The following XIRP2 variants were observed in gnomAD, a reference collection of about 807,000 sequenced individuals.
XIRP2 encodes xin actin binding repeat containing 2.
Under a neutral mutation model 277.0 loss-of-function variants are expected in XIRP2, and 236 were observed. That is an observed-to-expected ratio of 0.85 (90% CI 0.77 to 0.95). The LOEUF (loss-of-function observed/expected upper bound fraction) is 0.95, where lower values mean the gene tolerates loss of function less well. Ranked by LOEUF, XIRP2 falls within the 40% of genes least tolerant of loss-of-function variation. The probability of loss-of-function intolerance (pLI) is 0.00; values close to 1 mark genes in which losing one functional copy is unlikely to be tolerated. For missense variants in XIRP2, 4,640 were observed against 4,157.5 expected (o/e 1.12, Z -3.19); for synonymous variants, 1,490 against 1,416.5 (o/e 1.05, Z -1.17).
chr2:167,074,993 G>A (rs1689525362), intron 2 of XIRP2, among the ~76,000 whole-genome samples: 1 of 152,066 alleles, frequency 6.6e-6, no homozygotes, highest in South Asian at 2.1e-4. Context: ...CATTTAAAGA[G>A]GCTCAAAATC....
intron 2 of XIRP2, among the ~76,000 whole-genome samples, chr2:167,133,863 T>G (rs1691455314): frequency 6.6e-6 from 1 of 152,234 alleles, no homozygotes; most frequent in Non-Finnish European, 1.5e-5. Flanking sequence ...TAATGGCATG[T>G]CTGACACTGT....
chr2:166,976,680 T>C (rs1464258691), intron 2 of XIRP2, among the ~76,000 whole-genome samples: 2 of 152,168 alleles, frequency 1.3e-5, no homozygotes, highest in Admixed American at 6.5e-5. Flanking sequence ...TTTTTGCTTC[T>C]GCATATGTCA....
At chr2:167,079,217 T>G (rs1372209404) in intron 2 of XIRP2, among the ~76,000 whole-genome samples, 1 of 152,194 alleles carries the variant, frequency 6.6e-6, no homozygotes, top group African/African-American at 2.4e-5. Context: ...CCTACGTGAT[T>G]GTAGTGAATT....
At chr2:167,208,321 G>A (rs986621478) in intron 3 of XIRP2, among the ~76,000 whole-genome samples, 23 of 151,238 alleles carry the variant, frequency 1.5e-4, no homozygotes, top group African/African-American at 5.1e-4. Flanking sequence ...TTTTTTTTGA[G>A]ACGGAGACGG....
At chr2:167,174,095 C>T (rs1011331009) in intron 3 of XIRP2, among the ~76,000 whole-genome samples, 1 of 152,040 alleles carries the variant, frequency 6.6e-6, no homozygotes, top group African/African-American at 2.4e-5. Context: ...TGTTTCTCTG[C>T]CAGGTTTCAG....
chr2:166,941,038 G>A (rs188085447), intron 2 of XIRP2, among the ~76,000 whole-genome samples: 52 of 152,264 alleles, frequency 3.4e-4, no homozygotes, highest in Non-Finnish European at 5.1e-4. Flanking sequence ...GCCTTGCCCC[G>A]AGAGGTGGAG....
At chr2:167,032,841 G>A (rs1368211824) in intron 2 of XIRP2, among the ~76,000 whole-genome samples, 1 of 152,046 alleles carries the variant, frequency 6.6e-6, no homozygotes, top group Non-Finnish European at 1.5e-5. Context: ...TTTACACTGT[G>A]GGTTGGAATG....
At chr2:167,048,388 CTT>C (rs1376256612) in intron 2 of XIRP2, among the ~76,000 whole-genome samples, 3 of 152,054 alleles carry the variant, frequency 2.0e-5, no homozygotes, top group South Asian at 2.1e-4. Context: ...TCACAGCTCT[CTT>C]TTGAATTTTC....
chr2:167,111,342 T>G (rs1233117791), intron 2 of XIRP2, among the ~76,000 whole-genome samples: 2 of 152,152 alleles, frequency 1.3e-5, no homozygotes, highest in African/African-American at 2.4e-5. Context: ...TTTTGAAGTA[T>G]GATTCTTTCA....
At chr2:166,910,101 T>C (rs1480910122) in intron 2 of XIRP2, among the ~76,000 whole-genome samples, 2 of 152,212 alleles carry the variant, frequency 1.3e-5, no homozygotes, top group East Asian at 3.9e-4. Context: ...TGTCAGACTT[T>C]GGTATCGCGA....
intron 10 of XIRP2, among the ~76,000 whole-genome samples, chr2:167,255,032 A>G (rs1695619532): frequency 6.6e-6 from 1 of 151,738 alleles, no homozygotes; most frequent in Non-Finnish European, 1.5e-5. Flanking sequence ...ACAACAGAGT[A>G]TAATGGCTTT....
intron 2 of XIRP2, among the ~76,000 whole-genome samples, chr2:167,045,969 G>T (rs1688777829): frequency 6.6e-6 from 1 of 151,930 alleles, no homozygotes; most frequent in Non-Finnish European, 1.5e-5. Context: ...TTACTTTGAT[G>T]CATAGTTTGT....
chr2:166,960,990 T>G (rs1033472860), intron 2 of XIRP2, among the ~76,000 whole-genome samples: 4 of 151,740 alleles, frequency 2.6e-5, no homozygotes, highest in African/African-American at 9.7e-5. Context: ...TGCATCAGAT[T>G]GCTGTACTTG....
In XIRP2 at chr2:167,247,220, G is replaced by C. The variant is rs1695300329; in HGVS notation, c.5828G>C (p.Gly1943Ala). ...QRSFKEVHKE[G>A]VIKKDAKAVM... ...AGTTTCAAAGAGGTACATAAAGAAG[G>C]TGTAATAAAAAAAGATGCTAAAGCT... Residue 1943 changes from glycine (G) to alanine (A), a missense_variant, in exon 9 of 11, where the codon GGT becomes GCT. By Grantham distance (60) the Gly-to-Ala change is moderately conservative. Coordinates refer to ENST00000409195, the MANE Select transcript of XIRP2 (RefSeq NM_152381.6). 1.2e-6 allele frequency: 2 copies of C among 1,613,538 alleles called. No individual in the cohort carries two copies. Among genetic ancestry groups the C allele is most frequent in the South Asian group, 1.1e-5 (1 of 91,056 alleles).
At chr2:167,169,919 C>CT (rs1692635404) in intron 3 of XIRP2, among the ~76,000 whole-genome samples, 2 of 152,112 alleles carry the variant, frequency 1.3e-5, no homozygotes, top group African/African-American at 4.8e-5. Context: ...TTTTCTTGCC[C>CT]TATTATACTT....
chr2:166,911,364 G>A (rs902445980), intron 2 of XIRP2, among the ~76,000 whole-genome samples: 10 of 152,244 alleles, frequency 6.6e-5, no homozygotes, highest in African/African-American at 1.2e-4. Flanking sequence ...TTACCATTAC[G>A]TAATGGCCTT....
intron 2 of XIRP2, among the ~76,000 whole-genome samples, chr2:166,978,751 G>A (rs1253723329): frequency 1.3e-5 from 2 of 152,106 alleles, no homozygotes; most frequent in East Asian, 3.9e-4. Flanking sequence ...GAGAGGCCAA[G>A]GCAAGGATCA....
At chr2:166,988,228 C>T (rs1396710678) in intron 2 of XIRP2, among the ~76,000 whole-genome samples, 1 of 152,106 alleles carries the variant, frequency 6.6e-6, no homozygotes, top group Non-Finnish European at 1.5e-5. Flanking sequence ...TGCCAAATAC[C>T]TGTAAACTCA....
intron 2 of XIRP2, among the ~76,000 whole-genome samples, chr2:167,101,445 T>A (rs957395405): frequency 2.0e-5 from 3 of 152,256 alleles, no homozygotes; most frequent in African/African-American, 7.2e-5. Context: ...CTGTACCCAA[T>A]TTGTAGCCTT....
Sources: allele counts gnomAD v4.1 joint callset (sites outside exome capture counted in the v4.1 genomes callset), GRCh38; gene constraint gnomAD v4.1.1; transcripts MANE v1.5; gene names NCBI Gene and HGNC (gene_info 2026-07-23, HGNC 2026-07-21).